The following UTP20 variants were observed in gnomAD, a reference collection of about 807,000 sequenced individuals.
UTP20 encodes UTP20 small subunit processome component, also known as small subunit processome component 20 homolog.
Under a neutral mutation model 329.5 loss-of-function variants are expected in UTP20, and 164 were observed. That is an observed-to-expected ratio of 0.50 (90% CI 0.44 to 0.57). The LOEUF (loss-of-function observed/expected upper bound fraction) is 0.57, where lower values mean the gene tolerates loss of function less well. Among genes scored for constraint, UTP20 ranks in the 20% least tolerant of loss-of-function variants. The pLI is 0.00. For synonymous variants in UTP20, 1,151 were observed against 1,159.3 expected (o/e 0.99, Z 0.14); for missense variants, 3,055 against 3,284.2 (o/e 0.93, Z 1.71).
In UTP20 at chr12:101,324,254, C is replaced by A. The variant is rs377249375; in HGVS notation, c.3041+2625C>A. On this transcript the variant is annotated intron_variant, in intron 25 of 61. Transcript: ENST00000261637. Reference sequence around the variant, plus strand: ...TATTTATTTATTTATTTATTTATTTCAGAGACGAGGTCTCTCTCTGTCACC... The same window carrying A: ...TATTTATTTATTTATTTATTTATTTAAGAGACGAGGTCTCTCTCTGTCACC... Among the ~76,000 whole-genome samples the A allele has an allele frequency of 1.3e-4, 10 of 77,098 alleles. No homozygotes were observed. The East Asian group carries it at 6.4e-3, about 50-fold the overall frequency. 50.6% of individuals were successfully genotyped at this position (77,098 alleles called of 152,430 possible).
intron 27 of UTP20, among the ~76,000 whole-genome samples, 161 bp from the exon 28 acceptor site, chr12:101,333,140 C>T (rs1057073041): frequency 6.6e-6 from 1 of 152,162 alleles, no homozygotes; most frequent in Non-Finnish European, 1.5e-5. Context: ...AAAAGTAAGA[C>T]AGTTTGCTTG....
chr12:101,330,324 G>A (rs1868717981), intron 27 of UTP20, among the ~76,000 whole-genome samples: 1 of 152,150 alleles, frequency 6.6e-6, no homozygotes, highest in Non-Finnish European at 1.5e-5. Context: ...AAGAATAGAT[G>A]AGGCTGTGGT....
At chr12:101,375,346 A>AC (rs375094316) in intron 55 of UTP20, among the ~76,000 whole-genome samples, 1 of 151,924 alleles carries the variant, frequency 6.6e-6, no homozygotes, top group Non-Finnish European at 1.5e-5. Flanking sequence ...AGGCGATTTT[A>AC]CCCCCCCAGG....
intron 56 of UTP20, among the ~76,000 whole-genome samples, chr12:101,377,912 ATCATGT>A (rs1379707177): frequency 8.5e-5 from 13 of 152,272 alleles, no homozygotes; most frequent in African/African-American, 2.9e-4. Context: ...GTTAAATGAG[ATCATGT>A]TCATGAAAAT....
intron 2 of UTP20, among the ~76,000 whole-genome samples, chr12:101,283,863 T>A (rs756255192): frequency 2.6e-5 from 4 of 152,172 alleles, no homozygotes; most frequent in Non-Finnish European, 5.9e-5. Context: ...CAAAATTTAA[T>A]GGGATTCTCT....
At chr12:101,307,305 A>ACC (rs1872667151) in intron 17 of UTP20, among the ~76,000 whole-genome samples, 1 of 150,428 alleles carries the variant, frequency 6.6e-6, no homozygotes, top group African/African-American at 2.4e-5. Flanking sequence ...ACACACACAC[A>ACC]CACACACACA....
intron 36 of UTP20, 95 bp downstream of exon 36, chr12:101,344,845 T>C: frequency 9.5e-7 from 1 of 1,057,230 alleles, no homozygotes; most frequent in East Asian, 2.4e-5. Context: ...GTAGTCAGGC[T>C]TAGTGCATTT....
intron 21 of UTP20, among the ~76,000 whole-genome samples, chr12:101,314,634 G>A (rs553074729): frequency 3.2e-4 from 48 of 151,468 alleles, no homozygotes; most frequent in Non-Finnish European, 6.2e-4. Context: ...CTCCAGCCTG[G>A]GCGACAGAGC....
chr12:101,310,284 A>G (rs1344842967), intron 19 of UTP20, among the ~76,000 whole-genome samples: 1 of 152,100 alleles, frequency 6.6e-6, no homozygotes, highest in Non-Finnish European at 1.5e-5. Context: ...CATAGAAAAT[A>G]CATGTTATAG....
At chr12:101,321,997 A>T (rs1281728128) in intron 25 of UTP20, among the ~76,000 whole-genome samples, 2 of 148,072 alleles carry the variant, frequency 1.4e-5, no homozygotes, top group African/African-American at 5.0e-5. Context: ...ATCTTTATTT[A>T]TTTTTTTTTT....
rs181550189 is a variant in UTP20 at position 101,379,703 on chromosome 12, A to G, written c.7584+145A>G. On this transcript the variant is annotated intron_variant, in intron 57 of 61. Coordinates refer to ENST00000261637, the MANE Select transcript of UTP20 (RefSeq NM_014503.3). Reference sequence around the variant, plus strand: ...AGGTGAATCAATAGGAATATTAGTCACTGGAGAGGGGTCACTCTCAAGGCC... The same window carrying G: ...AGGTGAATCAATAGGAATATTAGTCGCTGGAGAGGGGTCACTCTCAAGGCC... 1.9e-4 allele frequency: 161 copies of G among 849,046 alleles called. No homozygotes were observed. The East Asian group carries it at 4.3e-3, about 22-fold the overall frequency. 52.6% of individuals were successfully genotyped at this position (849,046 alleles called of 1,614,324 possible). A position where few individuals can be genotyped will look rare whatever the true frequency, so the allele number is the denominator to read the frequency against.
At chr12:101,347,289 G>A (rs1160829723) in intron 38 of UTP20, among the ~76,000 whole-genome samples, 2 of 152,106 alleles carry the variant, frequency 1.3e-5, no homozygotes, top group East Asian at 1.9e-4. Flanking sequence ...TTAGGAGGCC[G>A]AGGCAGGTGG....
At chr12:101,359,467 G>A (rs1314674276) in intron 43 of UTP20, among the ~76,000 whole-genome samples, 1 of 128,502 alleles carries the variant, frequency 7.8e-6, no homozygotes, top group Non-Finnish European at 1.6e-5. Flanking sequence ...TCCTGAGGCT[G>A]TGTGTGTGTG....
intron 12 of UTP20, 143 bp downstream of exon 12, chr12:101,295,801 C>A: frequency 1.1e-6 from 1 of 898,548 alleles, no homozygotes; most frequent in Non-Finnish European, 1.6e-6. Flanking sequence ...AGTTGTAGAG[C>A]TACACACATA....
intron 55 of UTP20, 116 bp from the exon 56 acceptor site, chr12:101,375,508 T>C: frequency 2.9e-6 from 3 of 1,023,830 alleles, no homozygotes; most frequent in Non-Finnish European, 4.3e-6. Flanking sequence ...TGGCCCACAA[T>C]GTCAGGAGTG....
chr12:101,357,138 G>C, intron 43 of UTP20, 56 bp downstream of exon 43: 1 of 1,501,420 alleles, frequency 6.7e-7, no homozygotes, highest in South Asian at 1.3e-5. Flanking sequence ...AATATTTGCA[G>C]CTTGAACACT....
intron 43 of UTP20, among the ~76,000 whole-genome samples, chr12:101,361,728 CACA>C (rs1869928790): frequency 6.6e-6 from 1 of 152,078 alleles, no homozygotes; most frequent in South Asian, 2.1e-4. Context: ...CTGGTTTAGT[CACA>C]ACAATAGATC....
At position 101,367,912 on chromosome 12, in the gene UTP20, T is replaced by G; in HGVS notation, c.6320T>G (p.Val2107Gly). 2 of 1,613,908 alleles carry G rather than the reference T, an allele frequency of 1.2e-6. No homozygotes were observed. Among genetic ancestry groups the G allele is most frequent in the Non-Finnish European group, 1.7e-6 (2 of 1,179,834 alleles). ...AAGATCAAGTCTTCAGGTGAATGTG[T>G]CCTGGAAATGCTGGATCCTTTTGTG... is the stretch of plus-strand genomic sequence containing the variant. Reference protein sequence around the residue: ...TSKIKSSGECVLEMLDPFVSL... With the variant: ...TSKIKSSGECGLEMLDPFVSL... The change falls in exon 48 of 62, where the codon GTC (valine) becomes GGC (glycine). Residue 2107 changes from valine to glycine, a missense_variant. Transcript: ENST00000261637.
intron 21 of UTP20, among the ~76,000 whole-genome samples, chr12:101,317,254 T>A (rs1872999580): frequency 6.6e-6 from 1 of 152,142 alleles, no homozygotes; most frequent in South Asian, 2.1e-4. Context: ...AGTATAACAG[T>A]GGAATGGGCT....
Sources: gnomAD v4.1 joint callset for allele counts (sites outside exome capture counted in the v4.1 genomes callset) on GRCh38, gnomAD v4.1.1 for gene constraint, MANE v1.5 for transcripts, NCBI Gene and HGNC (gene_info 2026-07-23, HGNC 2026-07-21) for gene names.